Variants in ZNF469 observed in about 807,000 individuals in gnomAD.
ZNF469 encodes zinc finger protein 469.
In ZNF469, 1 loss-of-function variant was observed where a neutral mutation model predicts 1.0. That is an observed-to-expected ratio of 1.00 (90% CI 0.35 to 4.73). The LOEUF (loss-of-function observed/expected upper bound fraction) is 4.73. ZNF469 is among the 30% of genes most tolerant of loss of function. ZNF469 has a pLI of 0.16. For missense variants in ZNF469, 6,100 were observed against 5,356.3 expected, an observed-to-expected ratio of 1.14 and a Z score of -4.33; for synonymous variants, 2,703 against 2,363.4, an observed-to-expected ratio of 1.14 and a Z score of -4.17.
chr16:88,127,242 C>G, the ZNF469 span, among the ~76,000 whole-genome samples: 46 of 152,176 alleles, frequency 3.0e-4, no homozygotes, highest in African/African-American at 1.0e-3. Context: ...CGTCACAGGC[C>G]TCATAACACA....
chr16:88,335,878 A>T, the ZNF469 span, among the ~76,000 whole-genome samples: 1 of 149,352 alleles, frequency 6.7e-6, no homozygotes, highest in Non-Finnish European at 1.5e-5. Flanking sequence ...TACCACACAC[A>T]TTCATCCTTC....
the ZNF469 span, among the ~76,000 whole-genome samples, chr16:88,243,922 A>ATG: frequency 2.5e-5 from 2 of 78,842 alleles, no homozygotes; most frequent in Non-Finnish European, 5.0e-5. Context: ...ATATATATAT[A>ATG]TATATATATA....
rs1466313350 is a variant in ZNF469 at position 88,435,415 on chromosome 16, C to T, written c.7945C>T (p.Leu2649Phe). ...GAGAAGGCTCCGGGAGGAGAGCATT[C>T]TTCCAGTCTCTGCTGATGTGATTTC... ...RGRRLREESI[L>F]PVSADVISDG... The change falls in exon 3 of 3, where the codon CTT becomes TTT. Residue 2649 changes from leucine to phenylalanine, a missense_variant. Leu to Phe is a conservative substitution (Grantham distance 22, BLOSUM62 0). Coordinates refer to ENST00000565624, the MANE Select transcript of ZNF469 (RefSeq NM_001367624.2). 1.9e-6 allele frequency: 3 copies of T among 1,550,324 alleles called. No individual in the cohort carries two copies. Among genetic ancestry groups the T allele is most frequent in the Admixed American group, 2.0e-5 (1 of 51,012 alleles).
At chr16:88,114,943 G>A in the ZNF469 span, among the ~76,000 whole-genome samples, 3 of 124,146 alleles carry the variant, frequency 2.4e-5, no homozygotes, top group Non-Finnish European at 5.7e-5. Flanking sequence ...AATTTCAGCC[G>A]CCTTTCTCTT....
At chr16:88,128,190 G>A in the ZNF469 span, among the ~76,000 whole-genome samples, 2 of 152,048 alleles carry the variant, frequency 1.3e-5, no homozygotes, top group African/African-American at 4.8e-5. Flanking sequence ...CTGAGGATGG[G>A]TGGCCCCTCT....
In ZNF469 at chr16:88,428,954, C is replaced by T. The variant is rs1251745420; in HGVS notation, c.1484C>T (p.Pro495Leu). The change falls in exon 3 of 3, where the codon CCC becomes CTC. Residue 495 changes from proline (P) to leucine (L), a missense_variant. Coordinates refer to ENST00000565624, the MANE Select transcript of ZNF469 (RefSeq NM_001367624.2). ...PQVLPTARPS[P>L]HGMEMLSRLP... ...GTGCTCCCGACCGCCCGGCCAAGTC[C>T]CCACGGAATGGAGATGCTGAGCCGG... 1.3e-6 allele frequency: 2 copies of T among 1,547,764 alleles called. No individual in the cohort carries two copies.
At position 88,435,322 on chromosome 16, in the gene ZNF469, G is replaced by C; in HGVS notation, c.7852G>C (p.Glu2618Gln). The change falls in exon 3 of 3, where the codon GAG becomes CAG. Residue 2618 changes from glutamate (E) to glutamine (Q), a missense_variant. Coordinates refer to ENST00000565624, the MANE Select transcript of ZNF469 (RefSeq NM_001367624.2). ...AAGAGAAGGCCGGAGGTGGCGCCGA[G>C]AGCCCACCGTGGACTCTCCTAGCCA... ...EKREGRRWRR[E>Q]PTVDSPSHSE... The C allele has an allele frequency of 6.5e-7, 1 of 1,550,362 alleles. No individual in the cohort carries two copies. The highest frequency in any genetic ancestry group is 8.7e-7 in the Non-Finnish European group (1 of 1,146,984).
At chr16:88,342,500 C>G in the ZNF469 span, among the ~76,000 whole-genome samples, 1 of 152,226 alleles carries the variant, frequency 6.6e-6, no homozygotes, top group Non-Finnish European at 1.5e-5. Flanking sequence ...TGCTTCTGCT[C>G]TGATGCACGG....
chr16:88,289,036 A>G, the ZNF469 span, among the ~76,000 whole-genome samples: 2 of 149,954 alleles, frequency 1.3e-5, no homozygotes, highest in Non-Finnish European at 2.9e-5. Flanking sequence ...GGTGATAATG[A>G]TAACAGTGAT....
intron 1 of ZNF469, among the ~76,000 whole-genome samples, chr16:88,399,572 A>G (rs1354088767): frequency 6.6e-6 from 1 of 152,144 alleles, no homozygotes; most frequent in African/African-American, 2.4e-5. Flanking sequence ...AGCAGGGACA[A>G]CCTTGTCACA....
chr16:88,338,683 T>C, the ZNF469 span, among the ~76,000 whole-genome samples: 3 of 151,948 alleles, frequency 2.0e-5, no homozygotes, highest in Non-Finnish European at 4.4e-5. Flanking sequence ...CAGGTGCAAT[T>C]AGTTAAGATG....
the ZNF469 span, among the ~76,000 whole-genome samples, chr16:88,120,038 A>T: frequency 6.6e-6 from 1 of 152,136 alleles, no homozygotes. Context: ...CACACAACCA[A>T]GGGGCCCCCA....
intron 1 of ZNF469, among the ~76,000 whole-genome samples, chr16:88,422,869 T>C (rs1169872206): frequency 1.7e-5 from 2 of 117,088 alleles, no homozygotes; most frequent in Non-Finnish European, 3.6e-5. Flanking sequence ...TGATGATGGA[T>C]GAGTGAATGG....
Position 88,437,297 on chromosome 16 carries a change from G to A in ZNF469, c.9827G>A (p.Arg3276His), listed in dbSNP as rs2142314687. 5 of 1,547,522 alleles carry A rather than the reference G, an allele frequency of 3.2e-6. No individual in the cohort carries two copies. In the East Asian group the frequency reaches 9.8e-5, roughly 30 times the overall value. ...GGCGAGAGGGCGAAACCCCGGGCAC[G>A]CAGCACCCCCAGCAACCCAGACGGG... ...SPGERAKPRA[R>H]STPSNPDGAA... Residue 3276 changes from arginine (R) to histidine (H), a missense_variant, in exon 3 of 3, where the codon CGC becomes CAC. Transcript: ENST00000565624.
At chr16:88,219,514 G>A in the ZNF469 span, among the ~76,000 whole-genome samples, 2 of 145,698 alleles carry the variant, frequency 1.4e-5, no homozygotes, top group Non-Finnish European at 3.0e-5. Context: ...AACAAGCAAT[G>A]GGGAAAGGAT....
chr16:88,183,271 A>G, the ZNF469 span, among the ~76,000 whole-genome samples: 1 of 152,208 alleles, frequency 6.6e-6, no homozygotes, highest in Non-Finnish European at 1.5e-5. Context: ...TGATGAGTTG[A>G]ACGTACCCTT....
chr16:88,284,254 CTT>C, the ZNF469 span, among the ~76,000 whole-genome samples: 1 of 152,352 alleles, frequency 6.6e-6, no homozygotes, highest in African/African-American at 2.4e-5. Context: ...GCAATTATCT[CTT>C]GGCTCAGTTT....
At chr16:88,300,041 C>T in the ZNF469 span, among the ~76,000 whole-genome samples, 3 of 152,294 alleles carry the variant, frequency 2.0e-5, no homozygotes, top group African/African-American at 4.8e-5. Context: ...ATGGCATTTG[C>T]GGATGAGGAA....
At position 88,429,435 on chromosome 16, in the gene ZNF469, C is replaced by T; in HGVS notation, c.1965C>T (p.His655=). The T allele has an allele frequency of 2.6e-6, 4 of 1,541,670 alleles. No homozygotes were observed. The highest frequency in any genetic ancestry group is 1.2e-5 in the South Asian group (1 of 83,892). The change falls in exon 3 of 3, where the codon CAC becomes CAT. Residue 655 remains histidine, a synonymous_variant. Coordinates refer to ENST00000565624, the MANE Select transcript of ZNF469 (RefSeq NM_001367624.2). ...GSPFPSPEPP[H]SLPTHYQPEP... Reference sequence around the variant, plus strand: ...CCTTCCCGTCCCCGGAGCCCCCCCACTCCCTCCCCACCCACTACCAGCCAG... The same window carrying T: ...CCTTCCCGTCCCCGGAGCCCCCCCATTCCCTCCCCACCCACTACCAGCCAG...
Sources: gnomAD v4.1 joint callset for allele counts (sites outside exome capture counted in the v4.1 genomes callset) on GRCh38, gnomAD v4.1.1 for gene constraint, MANE v1.5 for transcripts, NCBI Gene and HGNC (gene_info 2026-07-23, HGNC 2026-07-21) for gene names.